DLGAP1: variants seen among roughly 807,000 people sequenced by gnomAD.
DLGAP1 encodes the protein disks large-associated protein 1.
DLGAP1 carries 11 observed loss-of-function variants against 90.8 expected under a neutral mutation model. The observed-to-expected ratio is 0.12, with a 90% CI of 0.08 to 0.20. DLGAP1 has a LOEUF of 0.20. DLGAP1 is among the 10% of genes least tolerant of loss of function. DLGAP1 has a pLI of 1.00. For synonymous variants in DLGAP1, 558 were observed against 540.7 expected, an observed-to-expected ratio of 1.03 and a Z score of -0.44; for missense variants, 1,050 against 1,333.8, an observed-to-expected ratio of 0.79 and a Z score of 3.31.
intron 7 of DLGAP1, among the ~76,000 whole-genome samples, chr18:3,636,667 C>T (rs527545890): frequency 4.6e-5 from 7 of 150,932 alleles, no homozygotes; most frequent in East Asian, 2.0e-4. Flanking sequence ...TCACCCGCCT[C>T]GGCCTCCCAA....
rs2082177285 is a variant in DLGAP1, at chr18:4,383,783, T to C, written c.-267+71223A>G. ...ATGATATTGAAGGAAAGAAGCAGAA[T>C]TGTTCCATCTCCATTTGAACCTACT... is the stretch of plus-strand genomic sequence containing the variant. On this transcript the variant is annotated intron_variant, in intron 1 of 12. Transcript: ENST00000315677. This position sits in a 1 kb window ranked among gnomAD's most constrained non-coding sequence, Gnocchi z 4.0. Among the ~76,000 whole-genome samples the C allele has an allele frequency of 6.6e-6, 1 of 151,970 alleles. No homozygotes were observed. Among genetic ancestry groups the C allele is most frequent in the South Asian group, 2.1e-4 (1 of 4,824 alleles).
At chr18:4,415,899 G>GT (rs2082888909) in intron 1 of DLGAP1, among the ~76,000 whole-genome samples, 1 of 152,116 alleles carries the variant, frequency 6.6e-6, no homozygotes, top group Non-Finnish European at 1.5e-5. Flanking sequence ...AATTATATTG[G>GT]TAAGTGCCTG....
intron 7 of DLGAP1, among the ~76,000 whole-genome samples, chr18:3,627,549 C>T (rs2058342168): frequency 6.6e-6 from 1 of 152,110 alleles, no homozygotes; most frequent in Non-Finnish European, 1.5e-5. Flanking sequence ...GTGGGCGTAT[C>T]AGAATTTTGA....
chr18:3,698,125 T>C (rs1469523962), intron 7 of DLGAP1, among the ~76,000 whole-genome samples: 1 of 152,232 alleles, frequency 6.6e-6, no homozygotes, highest in African/African-American at 2.4e-5. Flanking sequence ...CCGCTGGGCC[T>C]TGACTCTTTA....
chr18:4,036,074 A>G (rs1002694337), intron 2 of DLGAP1, among the ~76,000 whole-genome samples: 1 of 152,194 alleles, frequency 6.6e-6, no homozygotes, highest in Non-Finnish European at 1.5e-5. Context: ...GGATGGAAAG[A>G]TAGAACAGAT....
intron 1 of DLGAP1, among the ~76,000 whole-genome samples, chr18:4,335,766 T>C (rs573213834): frequency 6.6e-6 from 1 of 152,330 alleles, no homozygotes; most frequent in Admixed American, 6.5e-5. Context: ...AAATGTTTGG[T>C]GCAAAATGTG....
At chr18:3,946,215 T>C (rs2072875704) in intron 3 of DLGAP1, among the ~76,000 whole-genome samples, 1 of 152,182 alleles carries the variant, frequency 6.6e-6, no homozygotes, top group Non-Finnish European at 1.5e-5. Flanking sequence ...CTCCTTACTC[T>C]TCATTGCTGT....
intron 7 of DLGAP1, among the ~76,000 whole-genome samples, chr18:3,605,395 A>G (rs543397856): frequency 1.3e-5 from 2 of 152,288 alleles, no homozygotes; most frequent in East Asian, 3.9e-4. Context: ...TTGGTTCCCA[A>G]CTGAACTTTT....
intron 10 of DLGAP1, among the ~76,000 whole-genome samples, chr18:3,515,114 T>C (rs2050752699): frequency 6.6e-6 from 1 of 152,130 alleles, no homozygotes; most frequent in African/African-American, 2.4e-5. Context: ...TCATGAAAGG[T>C]TTCTCTGTTG....
intron 7 of DLGAP1, among the ~76,000 whole-genome samples, chr18:3,707,760 A>G (rs1668500581): frequency 6.6e-6 from 1 of 152,138 alleles, no homozygotes; most frequent in Non-Finnish European, 1.5e-5. Flanking sequence ...TATGAAGGCA[A>G]GGATTATGTC....
chr18:4,197,205 A>G (rs1204635335), intron 1 of DLGAP1, among the ~76,000 whole-genome samples: 4 of 149,942 alleles, frequency 2.7e-5, no homozygotes, highest in East Asian at 1.9e-4. Flanking sequence ...AAAAAAAAAA[A>G]AAAGAAAAAA....
intron 5 of DLGAP1, among the ~76,000 whole-genome samples, chr18:3,747,029 A>G (rs2063299045): frequency 6.6e-6 from 1 of 152,196 alleles, no homozygotes; most frequent in African/African-American, 2.4e-5. Flanking sequence ...TATAACATCG[A>G]AAGTAAATCT....
At chr18:4,079,499 A>T (rs997377120) in intron 2 of DLGAP1, among the ~76,000 whole-genome samples, 3 of 152,052 alleles carry the variant, frequency 2.0e-5, no homozygotes, top group Non-Finnish European at 4.4e-5. Flanking sequence ...ACACAAAGGC[A>T]TAGCGAGTGG....
intron 1 of DLGAP1, among the ~76,000 whole-genome samples, chr18:4,429,055 A>G (rs1374275068): frequency 6.6e-6 from 1 of 152,190 alleles, no homozygotes; most frequent in African/African-American, 2.4e-5. Context: ...CAAATTGTGA[A>G]AATCTCAAAA....
chr18:4,010,913 C>T (rs2149094682), intron 2 of DLGAP1, among the ~76,000 whole-genome samples: 2 of 151,620 alleles, frequency 1.3e-5, no homozygotes, highest in East Asian at 3.9e-4. Flanking sequence ...CAGTGGCTCA[C>T]ACCTGTAATC....
chr18:4,401,060 T>C (rs1249631043), intron 1 of DLGAP1, among the ~76,000 whole-genome samples: 3 of 152,168 alleles, frequency 2.0e-5, no homozygotes, highest in Non-Finnish European at 4.4e-5. Flanking sequence ...CCAAAGAGTA[T>C]CAGGTTGGGT....
rs1312658339 is a variant in DLGAP1 at position 4,225,687 on chromosome 18, T to C, written c.-266-74400A>G. Among the ~76,000 whole-genome samples, 5 of 151,464 alleles carry C rather than the reference T, an allele frequency of 3.3e-5. No individual in the cohort carries two copies. In the South Asian group the frequency reaches 6.2e-4, roughly 19 times the overall value. ...GAAGAATGTATCAGTCTCTTACCAGTAGAGCTGATCAAGCAGAAGAAAGAA... is the reference window on the plus strand; with the variant it reads ...GAAGAATGTATCAGTCTCTTACCAGCAGAGCTGATCAAGCAGAAGAAAGAA... On this transcript the variant is annotated intron_variant, in intron 1 of 12. Coordinates refer to ENST00000315677, the MANE Select transcript of DLGAP1 (RefSeq NM_004746.4).
chr18:3,676,098 T>G (rs528597701), intron 7 of DLGAP1, among the ~76,000 whole-genome samples: 127 of 152,358 alleles, frequency 8.3e-4, no homozygotes, highest in Non-Finnish European at 1.3e-3. Context: ...AAGATCAAGC[T>G]GCAGACATAG....
intron 7 of DLGAP1, among the ~76,000 whole-genome samples, chr18:3,707,519 G>A (rs2061471235): frequency 6.6e-6 from 1 of 151,688 alleles, no homozygotes; most frequent in Admixed American, 6.6e-5. Context: ...AGAATTGCTT[G>A]AATCTGGGAG....
Sources: allele counts gnomAD v4.1 joint callset (sites outside exome capture counted in the v4.1 genomes callset), GRCh38; gene constraint gnomAD v4.1.1; non-coding constraint Gnocchi (gnomAD v3.1); transcripts MANE v1.5; gene names NCBI Gene and HGNC (gene_info 2026-07-23, HGNC 2026-07-21).